The following VEGFB variants were observed in gnomAD, a reference collection of about 807,000 sequenced individuals.
VEGFB encodes the protein VEGF-related factor.
In VEGFB, 24 loss-of-function variants were observed where a neutral mutation model predicts 22.5. The ratio of observed to expected loss-of-function variants is 1.07; its 90% CI spans 0.77 to 1.50. The LOEUF (loss-of-function observed/expected upper bound fraction) is 1.50, where lower values mean the gene tolerates loss of function less well. VEGFB is among the 40% of genes most tolerant of loss of function. The pLI is 0.00. For synonymous variants in VEGFB, 141 were observed against 117.4 expected, an observed-to-expected ratio of 1.20 and a Z score of -1.30; for missense variants, 327 against 287.8, an observed-to-expected ratio of 1.14 and a Z score of -0.99.
chr11:64,237,209 G>C lies in VEGFB; in HGVS notation c.397G>C (p.Val133Leu). The C allele has an allele frequency of 6.2e-7, 1 of 1,608,998 alleles. No homozygotes were observed. Among genetic ancestry groups the C allele is most frequent in the East Asian group, 2.2e-5 (1 of 44,754 alleles). ...ECRPKKKDSA[V>L]KPDRAATPHH... is the part of the protein sequence containing the mutation. ...CAGACCTAAAAAAAAGGACAGTGCT[G>C]TGAAGCCAGACAGGTGAGTCTTTTG... The change falls in exon 5 of 7, where the codon GTG becomes CTG. Residue 133 changes from valine to leucine, a missense_variant. Transcript: ENST00000309422.
chr11:64,238,695 C>T lies in VEGFB; in HGVS notation c.*362C>T. 2 of 438,280 alleles carry T rather than the reference C, an allele frequency of 4.6e-6. No individual in the cohort carries two copies. Among genetic ancestry groups the T allele is most frequent in the Non-Finnish European group, 8.4e-6 (2 of 238,314 alleles). The allele number at this position is 438,280 out of a possible 1,614,324, so 27.1% of individuals were successfully genotyped here. A position where few individuals can be genotyped will look rare whatever the true frequency, so the allele number is the denominator to read the frequency against. ...AGCATCTTACAACTGGCTCTTCCTCCCCTCACTAAGAAGACCCAAACCTCT... is the reference window on the plus strand; with the variant it reads ...AGCATCTTACAACTGGCTCTTCCTCTCCTCACTAAGAAGACCCAAACCTCT... On this transcript the variant is annotated 3_prime_UTR_variant, in exon 7 of 7. Coordinates refer to ENST00000309422, the MANE Select transcript of VEGFB (RefSeq NM_003377.5).
At chr11:64,237,314 C>G (rs1314567746) in intron 5 of VEGFB, 92 bp downstream of exon 5, 18 of 1,516,462 alleles carry the variant, frequency 1.2e-5, no homozygotes, top group Admixed American at 1.7e-5. Context: ...ACCCGTCCCC[C>G]ACTTTCCCTT....
At position 64,238,507 on chromosome 11, in the gene VEGFB, C is replaced by T. The variant is rs1029162580; in HGVS notation, c.*174C>T. 1.6e-5 allele frequency: 19 copies of T among 1,167,016 alleles called. No individual in the cohort carries two copies. The highest frequency in any genetic ancestry group is 2.2e-5 in the Non-Finnish European group (18 of 820,364). The allele number at this position is 1,167,016 out of a possible 1,614,324, so 72.3% of individuals were successfully genotyped here. On this transcript the variant is annotated 3_prime_UTR_variant, in exon 7 of 7. Coordinates refer to ENST00000309422, the MANE Select transcript of VEGFB (RefSeq NM_003377.5). ...AGCCCAGGCAGAAGCTGCTCTAGGA[C>T]CTGGGCCTCTCAGAGGGCTCTTCTG...
intron 4 of VEGFB, among the ~76,000 whole-genome samples, chr11:64,236,703 C>T (rs1200729462): frequency 9.9e-6 from 1 of 101,266 alleles, no homozygotes; most frequent in African/African-American, 4.0e-5. Flanking sequence ...GGCGACAGAG[C>T]AAGACTCTGC....
At chr11:64,237,132 T>C in intron 4 of VEGFB, 55 bp from the exon 5 acceptor site, 1 of 1,220,142 alleles carries the variant, frequency 8.2e-7, no homozygotes, top group African/African-American at 2.0e-5. Context: ...AGTAGGATGC[T>C]GGGATTTCCT....
chr11:64,237,957 G>A (rs529493864), intron 6 of VEGFB: 103 of 486,482 alleles, frequency 2.1e-4, no homozygotes, highest in South Asian at 4.9e-4. Context: ...ACATCTGCCC[G>A]GAGTAGAAAT....
At chr11:64,237,944 G>C (rs148342355) in intron 6 of VEGFB, 69 of 493,176 alleles carry the variant, frequency 1.4e-4, no homozygotes, top group African/African-American at 7.6e-4. Flanking sequence ...CTTGGAGGAG[G>C]TGACATCTGC....
chr11:64,235,179 CG>C (rs1947234036), intron 1 of VEGFB, among the ~76,000 whole-genome samples: 1 of 152,180 alleles, frequency 6.6e-6, no homozygotes, highest in Non-Finnish European at 1.5e-5. Flanking sequence ...GCACTGTGCG[CG>C]CTCCTGATCT....
At chr11:64,237,841 C>G in intron 6 of VEGFB, 186 bp downstream of exon 6, 1 of 581,582 alleles carries the variant, frequency 1.7e-6, no homozygotes, top group South Asian at 2.5e-5. Context: ...CATTCTAACT[C>G]AGGAGTCAGA....
rs888770348 is a variant in VEGFB at position 64,235,932 on chromosome 11, G to A, written c.223G>A (p.Val75Met). The change falls in exon 3 of 7, where the codon GTG becomes ATG. Residue 75 changes from valine (V) to methionine (M), a missense_variant. Transcript: ENST00000309422. ...AKQLVPSCVTVQRCGGCCPDD... is the reference protein window; with the variant it reads ...AKQLVPSCVTMQRCGGCCPDD... ...ACAGCTGGTGCCCAGCTGCGTGACT[G>A]TGCAGCGCTGTGGTGGCTGCTGCCC... 7.4e-6 allele frequency: 12 copies of A among 1,613,222 alleles called. No individual in the cohort carries two copies. The highest frequency in any genetic ancestry group is 1.0e-5 in the Non-Finnish European group (12 of 1,179,868).
intron 4 of VEGFB, 112 bp downstream of exon 4, chr11:64,236,439 G>C: frequency 2.8e-6 from 3 of 1,078,188 alleles, no homozygotes; most frequent in Non-Finnish European, 4.1e-6. Flanking sequence ...CAAGGGGCCG[G>C]GCGTGGTAGC....
chr11:64,237,268 G>T (rs1349446160), intron 5 of VEGFB, 46 bp downstream of exon 5: 1 of 1,575,128 alleles, frequency 6.3e-7, no homozygotes, highest in African/African-American at 1.3e-5. Flanking sequence ...GGGAGTACAA[G>T]TGAGTCCAGA....
At position 64,234,886 on chromosome 11, in the gene VEGFB, C is replaced by G. The variant is rs1422251058; in HGVS notation, c.53C>G (p.Pro18Arg). The change falls in exon 1 of 7, where the codon CCC becomes CGC. Residue 18 changes from proline (P) to arginine (R), a missense_variant. By Grantham distance (103) the Pro-to-Arg change is moderately radical. Coordinates refer to ENST00000309422, the MANE Select transcript of VEGFB (RefSeq NM_003377.5). This position sits in a 1 kb window ranked among gnomAD's most constrained non-coding sequence, Gnocchi z 5.3. The part of the protein sequence containing the change: ...LLLAALLQLA[P>R]AQAPVSQPDA... ...CTCGCCGCACTCCTGCAGCTGGCCC[C>G]CGCCCAGGTACGTGCGGCCCGACAG... The G allele has an allele frequency of 9.2e-6, 12 of 1,308,598 alleles. No individual in the cohort carries two copies. The African/African-American group carries it at 1.5e-4, about 17-fold the overall frequency. The allele number at this position is 1,308,598 out of a possible 1,614,324, so 81.1% of individuals were successfully genotyped here.
In VEGFB at chr11:64,234,999, C is replaced by T; in HGVS notation, c.60+106C>T. The T allele has an allele frequency of 1.0e-6, 1 of 1,001,214 alleles. No homozygotes were observed. The highest frequency in any genetic ancestry group is 4.4e-5 in the South Asian group (1 of 22,516). The allele number at this position is 1,001,214 out of a possible 1,614,324, so 62.0% of individuals were successfully genotyped here. A position where few individuals can be genotyped will look rare whatever the true frequency, so the allele number is the denominator to read the frequency against. On this transcript the variant is annotated intron_variant, in intron 1 of 6. Transcript: ENST00000309422. This position sits in a 1 kb window ranked among gnomAD's most constrained non-coding sequence, Gnocchi z 5.3. ...CCTCGGCCGAGGGGATCTGCGGGGT[C>T]CGGCCTTGGACGCGGGCGTCTCGGG...
chr11:64,235,363 G>T, intron 1 of VEGFB, 95 bp from the exon 2 acceptor site: 3 of 1,168,258 alleles, frequency 2.6e-6, no homozygotes, highest in Non-Finnish European at 3.8e-6. Context: ...GAGAGGTGGT[G>T]AAGCCTACTG....
intron 3 of VEGFB, 27 bp from the exon 4 acceptor site, chr11:64,236,227 T>TC (rs3214290): frequency 2.2e-5 from 36 of 1,611,368 alleles, no homozygotes; most frequent in Non-Finnish European, 3.1e-5. Flanking sequence ...TCCCTCACTG[T>TC]CCCCCCTGTT....
intron 4 of VEGFB, among the ~76,000 whole-genome samples, 165 bp downstream of exon 4, chr11:64,236,492 G>T (rs2030036498): frequency 1.3e-5 from 2 of 151,640 alleles, no homozygotes; most frequent in South Asian, 4.2e-4. Flanking sequence ...GAGGCGGGCG[G>T]ATCATGAGGT....
In VEGFB at chr11:64,237,536, C is replaced by A; in HGVS notation, c.527C>A (p.Ala176Asp). ...THPTPAPGPSAHAAPSTTSAL... is the reference protein window; with the variant it reads ...THPTPAPGPSDHAAPSTTSAL... ...CCCACTCCAGCCCCAGGCCCCTCTGCCCACGCTGCACCCAGCACCACCAGC... is the reference window on the plus strand; with the variant it reads ...CCCACTCCAGCCCCAGGCCCCTCTGACCACGCTGCACCCAGCACCACCAGC... Residue 176 changes from alanine (A) to aspartate (D), a missense_variant, in exon 6 of 7, where the codon GCC (alanine) becomes GAC (aspartate). Coordinates refer to ENST00000309422, the MANE Select transcript of VEGFB (RefSeq NM_003377.5). 6.2e-7 allele frequency: 1 copy of A among 1,609,724 alleles called. No homozygotes were observed. The highest frequency in any genetic ancestry group is 8.5e-7 in the Non-Finnish European group (1 of 1,179,656).
rs1377280090 is a variant in VEGFB at position 64,238,437 on chromosome 11, A to C, written c.*104A>C. The C allele has an allele frequency of 1.3e-6, 2 of 1,533,500 alleles. No homozygotes were observed. The highest frequency in any genetic ancestry group is 1.7e-6 in the Non-Finnish European group (2 of 1,144,842). The allele number at this position is 1,533,500 out of a possible 1,614,324, so 95.0% of individuals were successfully genotyped here. On this transcript the variant is annotated 3_prime_UTR_variant, in exon 7 of 7. Coordinates refer to ENST00000309422, the MANE Select transcript of VEGFB (RefSeq NM_003377.5). ...CTCAGAGGCTATATCCCAGTGGGGG[A>C]ACAAAGAGGAGCCTGGTAAAAAACA...
Sources: gnomAD v4.1 joint callset for allele counts (sites outside exome capture counted in the v4.1 genomes callset) on GRCh38, gnomAD v4.1.1 for gene constraint, Gnocchi (gnomAD v3.1) non-coding constraint, MANE v1.5 for transcripts, NCBI Gene and HGNC (gene_info 2026-07-23, HGNC 2026-07-21) for gene names.